RAD51B: variants seen among roughly 807,000 people sequenced by gnomAD.
The protein encoded by RAD51B is DNA repair protein RAD51 homolog 2.
In RAD51B, 38 loss-of-function variants were observed where a neutral mutation model predicts 42.2. The ratio of observed to expected loss-of-function variants is 0.90; its 90% CI spans 0.70 to 1.18. The LOEUF (loss-of-function observed/expected upper bound fraction) is 1.18. Ranked by LOEUF, RAD51B falls within the 50% of genes most tolerant of loss-of-function variation. RAD51B has a pLI of 0.00. For synonymous variants in RAD51B, 154 were observed against 145.2 expected, an observed-to-expected ratio of 1.06 and a Z score of -0.43; for missense variants, 373 against 400.7, an observed-to-expected ratio of 0.93 and a Z score of 0.59.
chr14:67,993,625 G>A (rs1044220965), intron 7 of RAD51B, among the ~76,000 whole-genome samples: 1 of 151,950 alleles, frequency 6.6e-6, no homozygotes, highest in Non-Finnish European at 1.5e-5. Context: ...TCCAAATCTC[G>A]GCTGTTGTGA....
At chr14:68,651,399 A>G (rs1892695698) in intron 11 of RAD51B, among the ~76,000 whole-genome samples, 1 of 152,150 alleles carries the variant, frequency 6.6e-6, no homozygotes, top group African/African-American at 2.4e-5. Context: ...TCTCAAACTC[A>G]AGTAATCTGC....
intron 7 of RAD51B, among the ~76,000 whole-genome samples, chr14:68,188,350 TC>T (rs551619449): frequency 1.7e-4 from 24 of 144,884 alleles, no homozygotes; most frequent in Non-Finnish European, 3.3e-4. Context: ...CTGTCCCTCC[TC>T]CCCCCTCCTC....
chr14:68,509,978 G>T lies in RAD51B; in HGVS notation c.1036+41728G>T, dbSNP rs575651878. Among the ~76,000 whole-genome samples, 3 of 152,136 alleles carry T rather than the reference G, an allele frequency of 2.0e-5. No individual in the cohort carries two copies. The South Asian group carries it at 6.2e-4, about 31-fold the overall frequency. On this transcript the variant is annotated intron_variant, in intron 10 of 10. Coordinates refer to the RAD51B transcript ENST00000487270. ...GAGGCCTCTGATAGTCCAGATCCTCGGTTTTAGCTCTGTTTACACAGGACC... is the reference window on the plus strand; with the variant it reads ...GAGGCCTCTGATAGTCCAGATCCTCTGTTTTAGCTCTGTTTACACAGGACC...
chr14:68,460,676 A>G (rs1241084147), intron 9 of RAD51B, among the ~76,000 whole-genome samples: 2 of 152,222 alleles, frequency 1.3e-5, no homozygotes, highest in African/African-American at 4.8e-5. Flanking sequence ...GACTATGCCC[A>G]GCACTTTCTG....
At chr14:67,985,126 A>G (rs773907347) in intron 7 of RAD51B, among the ~76,000 whole-genome samples, 3 of 152,252 alleles carry the variant, frequency 2.0e-5, no homozygotes, top group Non-Finnish European at 4.4e-5. Context: ...TTAAGTATAC[A>G]GAAGAGTTGC....
chr14:68,641,464 T>C lies in RAD51B; in HGVS notation c.1037-9317T>C, dbSNP rs1892458292. On this transcript the variant is annotated intron_variant, in intron 10 of 11. Transcript: ENST00000488612. Reference sequence around the variant, plus strand: ...TATTTCCTTTTCTTGTCTTATTGCATTATTTAGGACTTCCAGTATGATGTT... The same window carrying C: ...TATTTCCTTTTCTTGTCTTATTGCACTATTTAGGACTTCCAGTATGATGTT... 2.0e-5 allele frequency among the ~76,000 whole-genome samples: 3 copies of C among 151,200 alleles called. No homozygotes were observed. The South Asian group carries it at 6.3e-4, about 32-fold the overall frequency.
intron 8 of RAD51B, among the ~76,000 whole-genome samples, chr14:68,319,021 A>G (rs2082112118): frequency 6.6e-6 from 1 of 152,152 alleles, no homozygotes; most frequent in Non-Finnish European, 1.5e-5. Flanking sequence ...TTTTTTCTCT[A>G]GACTGTGAGA....
At chr14:68,429,298 T>G (rs1435852411) in intron 9 of RAD51B, among the ~76,000 whole-genome samples, 2 of 152,202 alleles carry the variant, frequency 1.3e-5, no homozygotes, top group African/African-American at 4.8e-5. Context: ...TCAAATGGTA[T>G]ATCTAGTTCT....
intron 8 of RAD51B, among the ~76,000 whole-genome samples, chr14:68,295,897 G>A (rs904956298): frequency 1.3e-5 from 2 of 152,052 alleles, no homozygotes; most frequent in Admixed American, 6.6e-5. Context: ...CCAAATCCCA[G>A]TGTGTGTCTC....
intron 8 of RAD51B, among the ~76,000 whole-genome samples, chr14:68,344,956 A>AC (rs1050512754): frequency 7.2e-5 from 11 of 151,844 alleles, no homozygotes; most frequent in South Asian, 2.1e-4. Context: ...CAAAAAAAAA[A>AC]AAAAAAAAAA....
intron 10 of RAD51B, among the ~76,000 whole-genome samples, chr14:68,585,570 G>A (rs1890421682): frequency 6.6e-6 from 1 of 152,174 alleles, no homozygotes; most frequent in African/African-American, 2.4e-5. Context: ...GAAGGGTAGG[G>A]AGGGGCTGGG....
At chr14:68,531,491 T>C (rs1470420351) in intron 10 of RAD51B, among the ~76,000 whole-genome samples, 1 of 152,100 alleles carries the variant, frequency 6.6e-6, no homozygotes, top group African/African-American at 2.4e-5. Context: ...GAAATATATG[T>C]TAATAGGGAT....
intron 7 of RAD51B, among the ~76,000 whole-genome samples, chr14:67,893,496 ACAC>A (rs1301874203): frequency 0.023 from 2,144 of 93,640 alleles, 131 homozygotes; most frequent in Non-Finnish European, 0.032. Context: ...ACACACACAC[ACAC>A]ACACACACAC....
At chr14:68,201,184 C>T (rs997433187) in intron 7 of RAD51B, among the ~76,000 whole-genome samples, 3 of 152,134 alleles carry the variant, frequency 2.0e-5, no homozygotes, top group African/African-American at 4.8e-5. Context: ...TACTGTTACA[C>T]ACTTTAAAAG....
chr14:68,664,363 C>A (rs1488109725), intron 11 of RAD51B, among the ~76,000 whole-genome samples: 3 of 152,146 alleles, frequency 2.0e-5, no homozygotes, highest in Non-Finnish European at 4.4e-5. Context: ...CAGAGCTTCT[C>A]CCCACCACAT....
chr14:68,089,405 G>A (rs1325219773), intron 7 of RAD51B, among the ~76,000 whole-genome samples: 4 of 151,924 alleles, frequency 2.6e-5, no homozygotes, highest in Non-Finnish European at 4.4e-5. Flanking sequence ...GTCCTTTTTC[G>A]CCTTTTCCTG....
intron 10 of RAD51B, among the ~76,000 whole-genome samples, chr14:68,619,481 A>T (rs765726208): frequency 6.6e-6 from 1 of 152,120 alleles, no homozygotes; most frequent in Non-Finnish European, 1.5e-5. Context: ...AAGAAAAAAA[A>T]AAGTTAAAAG....
intron 8 of RAD51B, among the ~76,000 whole-genome samples, chr14:68,379,198 C>G (rs2083431723): frequency 6.6e-6 from 1 of 152,120 alleles, no homozygotes; most frequent in Non-Finnish European, 1.5e-5. Context: ...AGTCCGGTTC[C>G]TGGTACATAA....
intron 10 of RAD51B, among the ~76,000 whole-genome samples, chr14:68,509,124 G>T (rs1885543094): frequency 6.6e-6 from 1 of 152,264 alleles, no homozygotes; most frequent in African/African-American, 2.4e-5. Flanking sequence ...ACCAGCCACT[G>T]GGCCTGGATA....
Sources: allele counts gnomAD v4.1 joint callset (sites outside exome capture counted in the v4.1 genomes callset), GRCh38; gene constraint gnomAD v4.1.1; transcripts MANE v1.5; gene names NCBI Gene and HGNC (gene_info 2026-07-23, HGNC 2026-07-21).